ANO9: variants seen among roughly 807,000 people sequenced by gnomAD.
ANO9 encodes the protein anoctamin-9.
ANO9 carries 80 observed loss-of-function variants against 100.5 expected under a neutral mutation model. The observed-to-expected ratio is 0.80, with a 90% CI of 0.66 to 0.96. ANO9 has a LOEUF of 0.96. ANO9 is among the 40% of genes least tolerant of loss of function. The probability of loss-of-function intolerance (pLI) is 0.00; values close to 1 mark genes in which losing one functional copy is unlikely to be tolerated. For synonymous variants in ANO9, 473 were observed against 435.6 expected (o/e 1.09, Z -1.07); for missense variants, 1,064 against 1,072.7 (o/e 0.99, Z 0.11).
Position 418,479 on chromosome 11 carries a change from C to T in ANO9, c.2241G>A (p.Met747Ile). The T allele has an allele frequency of 1.9e-6, 3 of 1,613,114 alleles. No homozygotes were observed. The highest frequency in any genetic ancestry group is 2.7e-5 in the African/African-American group (2 of 75,060). ...EVKYQRLREKMWHGRQRLGGV... is the reference protein window; with the variant it reads ...EVKYQRLREKIWHGRQRLGGV... Reference sequence around the variant, plus strand: ...CACCCAGCCTCTGCCTTCCATGCCACATCTTCTCACGCAGCCTCTGGTACT... The same window carrying T: ...CACCCAGCCTCTGCCTTCCATGCCATATCTTCTCACGCAGCCTCTGGTACT... The change falls in exon 23 of 23, where the codon ATG (methionine) becomes ATA (isoleucine). Residue 747 changes from methionine (M) to isoleucine (I), a missense_variant. Coordinates refer to ENST00000332826, the MANE Select transcript of ANO9 (RefSeq NM_001012302.3).
At chr11:434,526 T>C (rs1849300593) in intron 1 of ANO9, among the ~76,000 whole-genome samples, 1 of 152,180 alleles carries the variant, frequency 6.6e-6, no homozygotes, top group African/African-American at 2.4e-5. Flanking sequence ...GAGCACGGGT[T>C]TGGAAACCTG....
chr11:433,511 CCCGCCTCAGAACCCTCCCCCCTCTATT>C, intron 3 of ANO9, 52 bp from the exon 4 acceptor site: 3 of 1,569,786 alleles, frequency 1.9e-6, no homozygotes, highest in South Asian at 2.2e-5. Flanking sequence ...CCCGCTCTAT[CCCGCCTCAGAACCCTCCCCCCTCTATT>C]CCACCTCAGA....
chr11:432,238 A>C lies in ANO9; in HGVS notation c.351-184T>G. Reference sequence around the variant, plus strand: ...GGGAGCCCACCCCGCACCCTCCTTAAAGTGCTCCCAGGGCCTGGCCTGCCC... The same window carrying C: ...GGGAGCCCACCCCGCACCCTCCTTACAGTGCTCCCAGGGCCTGGCCTGCCC... On this transcript the variant is annotated intron_variant, in intron 4 of 22. Coordinates refer to ENST00000332826, the MANE Select transcript of ANO9 (RefSeq NM_001012302.3). The surrounding 1 kb of genome is among the most constrained non-coding windows in gnomAD (Gnocchi z 4.8). 3.2e-6 allele frequency: 2 copies of C among 624,810 alleles called. No individual in the cohort carries two copies. Among genetic ancestry groups the C allele is most frequent in the Non-Finnish European group, 5.5e-6 (2 of 362,720 alleles). 38.7% of individuals were successfully genotyped at this position (624,810 alleles called of 1,614,324 possible).
Position 428,209 on chromosome 11 carries a change from G to A in ANO9, c.1223-10C>T, listed in dbSNP as rs1449769703. On this transcript the variant is annotated splice_polypyrimidine_tract_variant and intron_variant, in intron 14 of 22. Transcript: ENST00000332826. The stretch of plus-strand genomic sequence containing the variant: ...AAGGTCCTGGGCATCTCTGGAATGG[G>A]ACCGGCCCTCACCTCTCTCCCTGCT... 2 of 1,611,802 alleles carry A rather than the reference G, an allele frequency of 1.2e-6. No homozygotes were observed. The highest frequency in any genetic ancestry group is 2.2e-5 in the East Asian group (1 of 44,726).
In ANO9 at chr11:418,574, T is replaced by C. The variant is rs1357142386; in HGVS notation, c.2146A>G (p.Ile716Val). Residue 716 changes from isoleucine to valine, a missense_variant, in exon 23 of 23, where the codon ATC (isoleucine) becomes GTC (valine). Ile to Val is a conservative substitution (Grantham distance 29, BLOSUM62 3). Coordinates refer to ENST00000332826, the MANE Select transcript of ANO9 (RefSeq NM_001012302.3). ...VILFEHVALC[I>V]KLIAAWFVPD... ...ACGAACCAGGCGGCGATGAGCTTGA[T>C]GCACAAGGCCACGTGCTAGCGGCAG... 1.9e-6 allele frequency: 3 copies of C among 1,612,844 alleles called. No homozygotes were observed. Among genetic ancestry groups the C allele is most frequent in the Admixed American group, 3.3e-5 (2 of 60,008 alleles).
Position 432,007 on chromosome 11 carries a change from G to A in ANO9, c.398C>T (p.Ser133Leu), listed in dbSNP as rs1477223878. The A allele has an allele frequency of 3.7e-6, 6 of 1,612,910 alleles. No individual in the cohort carries two copies. Among genetic ancestry groups the A allele is most frequent in the South Asian group, 2.2e-5 (2 of 91,092 alleles). ...VNFVVMNNKT[S>L]AGETFEDLMK... ...CCCACCCCTGCCCTTACCACCAGCC[G>A]AGGTCTTGTTGTTCATGACAACGAA... The change falls in exon 5 of 23, where the codon TCG becomes TTG. Residue 133 changes from serine to leucine, a missense_variant. Physicochemically the swap from Ser to Leu is moderately radical, Grantham distance 145. Transcript: ENST00000332826. The surrounding 1 kb of genome is among the most constrained non-coding windows in gnomAD (Gnocchi z 4.8).
chr11:419,147 C>A (rs924933119), intron 20 of ANO9, 158 bp from the exon 21 acceptor site: 3 of 1,456,274 alleles, frequency 2.1e-6, no homozygotes, highest in Non-Finnish European at 2.7e-6. Context: ...CCAAGCACAT[C>A]TTCACATCCG....
rs1564902816 is a variant in ANO9, at chr11:419,720, A to T, written c.1796T>A (p.Leu599Gln). Residue 599 changes from leucine to glutamine, a missense_variant, in exon 20 of 23, where the codon CTG becomes CAG. Leu to Gln is a moderately radical substitution (Grantham distance 113). Transcript: ENST00000332826. ...PRKAKDIGTW[L>Q]QVLETIGVLA... ...CACACCGATGGTCTCCAGCACCTGC[A>T]GCCAGGTCCCTGCACCAGAGCAGTG... 1 of 1,598,536 alleles carries T rather than the reference A, an allele frequency of 6.3e-7. No homozygotes were observed. The highest frequency in any genetic ancestry group is 8.5e-7 in the Non-Finnish European group (1 of 1,175,466).
At chr11:434,790 G>A (rs1849320610) in intron 1 of ANO9, among the ~76,000 whole-genome samples, 1 of 152,318 alleles carries the variant, frequency 6.6e-6, no homozygotes, top group South Asian at 2.1e-4. Flanking sequence ...ACAGGGACAC[G>A]AGAGTCTGGG....
chr11:433,473 G>A lies in ANO9; in HGVS notation c.205-14C>T, dbSNP rs1219112297. On this transcript the variant is annotated splice_polypyrimidine_tract_variant and intron_variant, in intron 3 of 22. Coordinates refer to ENST00000332826, the MANE Select transcript of ANO9 (RefSeq NM_001012302.3). ...GTCCCGGATCACCTGGGGGCACATG[G>A]GATCCTCTATCCCACCTCAGAACCC... 6.2e-7 allele frequency: 1 copy of A among 1,610,708 alleles called. No individual in the cohort carries two copies. Among genetic ancestry groups the A allele is most frequent in the African/African-American group, 1.4e-5 (1 of 73,874 alleles).
chr11:426,689 G>A (rs922265315), intron 15 of ANO9, among the ~76,000 whole-genome samples: 3 of 152,156 alleles, frequency 2.0e-5, no homozygotes, highest in Admixed American at 6.5e-5. Flanking sequence ...TCAGGCTTTC[G>A]GGGGAGACAC....
chr11:427,426 AT>A (rs148010791), intron 15 of ANO9, among the ~76,000 whole-genome samples: 2,510 of 152,248 alleles, frequency 0.016, 53 homozygotes, highest in African/African-American at 0.047. Flanking sequence ...TTCTGGCTCC[AT>A]CAATCCATAT....
Position 429,796 on chromosome 11 carries a change from T to C in ANO9, c.794A>G (p.Asp265Gly). 1 of 1,607,460 alleles carries C rather than the reference T, an allele frequency of 6.2e-7. No individual in the cohort carries two copies. Among genetic ancestry groups the C allele is most frequent in the Non-Finnish European group, 8.5e-7 (1 of 1,176,142 alleles). Reference sequence around the variant, plus strand: ...GAAGATGGCGAACACCACCGTGCCATCATTGTCAAAGAGGTGGGTGAGCTG... The same window carrying C: ...GAAGATGGCGAACACCACCGTGCCACCATTGTCAAAGAGGTGGGTGAGCTG... ...FAKLTHLFDN[D>G]GTVVFAIFMA... Residue 265 changes from aspartate to glycine, a missense_variant, in exon 10 of 23, where the codon GAT becomes GGT. Physicochemically the swap from Asp to Gly is moderately conservative, Grantham distance 94 (BLOSUM62 -1). Coordinates refer to ENST00000332826, the MANE Select transcript of ANO9 (RefSeq NM_001012302.3).
chr11:432,206 C>G lies in ANO9; in HGVS notation c.351-152G>C, dbSNP rs1274774539. 1.2e-6 allele frequency: 1 copy of G among 815,312 alleles called. No homozygotes were observed. The highest frequency in any genetic ancestry group is 2.5e-5 in the Admixed American group (1 of 40,198). 50.5% of individuals were successfully genotyped at this position (815,312 alleles called of 1,614,324 possible). A position where few individuals can be genotyped will look rare whatever the true frequency, so the allele number is the denominator to read the frequency against. On this transcript the variant is annotated intron_variant, in intron 4 of 22. Coordinates refer to ENST00000332826, the MANE Select transcript of ANO9 (RefSeq NM_001012302.3). This position sits in a 1 kb window ranked among gnomAD's most constrained non-coding sequence, Gnocchi z 4.8. ...CCTGACCAGAGCCCAGAATCCACAA[C>G]TCACCCGGGAGCCCACCCCGCACCC... is the stretch of plus-strand genomic sequence containing the variant.
chr11:433,514 G>GCCTCAGAACCCCCCCCCGTCTATTCCA (rs1849195053), intron 3 of ANO9, 55 bp from the exon 4 acceptor site: 1 of 1,547,204 alleles, frequency 6.5e-7, no homozygotes, highest in African/African-American at 1.5e-5. Flanking sequence ...GCTCTATCCC[G>GCCTCAGAACCCCCCCCCGTCTATTCCA]CCTCAGAACC....
intron 15 of ANO9, among the ~76,000 whole-genome samples, chr11:426,475 A>G (rs1361880688): frequency 6.6e-6 from 1 of 152,214 alleles, no homozygotes; most frequent in Non-Finnish European, 1.5e-5. Context: ...CGGGAGGCTG[A>G]GGCAGGAGGA....
Position 421,277 on chromosome 11 carries a change from G to T in ANO9, c.1335-79C>A, listed in dbSNP as rs1848166189. 4 of 1,396,834 alleles carry T rather than the reference G, an allele frequency of 2.9e-6. No individual in the cohort carries two copies. The highest frequency in any genetic ancestry group is 2.9e-5 in the Admixed American group (1 of 34,624). 86.5% of individuals were successfully genotyped at this position (1,396,834 alleles called of 1,614,324 possible). On this transcript the variant is annotated intron_variant, in intron 15 of 22. Transcript: ENST00000332826. This position sits in a 1 kb window ranked among gnomAD's most constrained non-coding sequence, Gnocchi z 6.8. ...GGGTGGGTGCAGCAGGACAGAAGCGGGTAGGAAAGACACAGAACAGGCGGG... is the reference window on the plus strand; with the variant it reads ...GGGTGGGTGCAGCAGGACAGAAGCGTGTAGGAAAGACACAGAACAGGCGGG...
At position 421,179 on chromosome 11, in the gene ANO9, TC is replaced by T; in HGVS notation, c.1353del (p.Lys452SerfsTer20). 6.4e-7 allele frequency: 1 copy of T among 1,558,534 alleles called. No individual in the cohort carries two copies. Among genetic ancestry groups the T allele is most frequent in the South Asian group, 1.2e-5 (1 of 83,650 alleles). On this transcript the variant is annotated frameshift_variant, in exon 16 of 23. Transcript: ENST00000332826. LOFTEE classifies it high-confidence loss of function. The surrounding 1 kb of genome is among the most constrained non-coding windows in gnomAD (Gnocchi z 6.8). Reference protein sequence around the residue: ...FILGRINGHPGKSTRLAGLWK... With the variant: ...FILGRINGHPXKSTRLAGLWK... ...CACAAGCCCGCCAGGCGCGTGGACT[TC>T]CCGGGGTGGCCGTTGATCCTGGGGA...
At chr11:429,865 A>T in intron 9 of ANO9, 47 bp from the exon 10 acceptor site, 17 of 993,284 alleles carry the variant, frequency 1.7e-5, no homozygotes, top group South Asian at 3.0e-5. Flanking sequence ...TGAGCTGGGG[A>T]GGGGGGCAGG....
Sources: allele counts gnomAD v4.1 joint callset (sites outside exome capture counted in the v4.1 genomes callset), GRCh38; gene constraint gnomAD v4.1.1; non-coding constraint Gnocchi (gnomAD v3.1); transcripts MANE v1.5; gene names NCBI Gene and HGNC (gene_info 2026-07-23, HGNC 2026-07-21).